Variants in THSD7A observed in about 807,000 individuals in gnomAD.
The protein encoded by THSD7A is thrombospondin type 1 domain containing 7A, also known as thrombospondin type-1 domain-containing protein 7A.
Under a neutral mutation model 231.3 loss-of-function variants are expected in THSD7A, and 96 were observed. The ratio of observed to expected loss-of-function variants is 0.41; its 90% CI spans 0.35 to 0.49. THSD7A has a LOEUF of 0.49. Among genes scored for constraint, THSD7A ranks in the 20% least tolerant of loss-of-function variants. The probability of loss-of-function intolerance (pLI) is 0.05; values close to 1 mark genes in which losing one functional copy is unlikely to be tolerated. For missense variants in THSD7A, 2,290 were observed against 2,070.2 expected, an observed-to-expected ratio of 1.11 and a Z score of -2.06; for synonymous variants, 940 against 743.3, an observed-to-expected ratio of 1.26 and a Z score of -4.30.
chr7:11,761,170 T>C (rs931856182), intron 1 of THSD7A, among the ~76,000 whole-genome samples: 14 of 151,912 alleles, frequency 9.2e-5, no homozygotes, highest in African/African-American at 2.2e-4. Context: ...TAGATCTTTA[T>C]ATTCAATTTT....
intron 23 of THSD7A, among the ~76,000 whole-genome samples, chr7:11,394,222 T>TAAAG (rs1468933647): frequency 6.6e-6 from 1 of 151,900 alleles, no homozygotes; most frequent in Admixed American, 6.6e-5. Context: ...TCAACATTCT[T>TAAAG]AAAGAATTTT....
At chr7:11,799,063 C>T (rs1784207190) in intron 1 of THSD7A, among the ~76,000 whole-genome samples, 1 of 152,036 alleles carries the variant, frequency 6.6e-6, no homozygotes, top group Non-Finnish European at 1.5e-5. Flanking sequence ...GCTGGGACTA[C>T]AGGCTCACAC....
chr7:11,533,538 TA>T (rs1788791468), intron 6 of THSD7A, among the ~76,000 whole-genome samples: 1 of 152,136 alleles, frequency 6.6e-6, no homozygotes, highest in South Asian at 2.1e-4. Flanking sequence ...GTGGGACACA[TA>T]CACCATGGGA....
At chr7:11,621,077 G>A (rs763353674) in intron 2 of THSD7A, among the ~76,000 whole-genome samples, 2 of 152,158 alleles carry the variant, frequency 1.3e-5, no homozygotes, top group African/African-American at 2.4e-5. Flanking sequence ...ATTAGGCAAT[G>A]TTTTCTTTTC....
At chr7:11,568,398 G>A (rs1011734205) in intron 4 of THSD7A, among the ~76,000 whole-genome samples, 7 of 151,994 alleles carry the variant, frequency 4.6e-5, no homozygotes, top group African/African-American at 9.7e-5. Context: ...GGCCGAGGCA[G>A]GCGGATCACG....
At chr7:11,640,018 C>A (rs1033015172) in intron 1 of THSD7A, among the ~76,000 whole-genome samples, 1 of 152,180 alleles carries the variant, frequency 6.6e-6, no homozygotes, top group Non-Finnish European at 1.5e-5. Context: ...AATGATTCAT[C>A]ATTTACTGAC....
At chr7:11,464,469 G>T (rs1785623307) in intron 9 of THSD7A, among the ~76,000 whole-genome samples, 1 of 152,100 alleles carries the variant, frequency 6.6e-6, no homozygotes, top group Admixed American at 6.6e-5. Flanking sequence ...CATAGCCAGG[G>T]CTGTTCTACT....
intron 16 of THSD7A, among the ~76,000 whole-genome samples, chr7:11,421,834 A>T (rs1476420583): frequency 1.3e-5 from 2 of 152,218 alleles, no homozygotes; most frequent in Admixed American, 1.3e-4. Context: ...TAAATGTGCC[A>T]CAATTGTTAA....
intron 1 of THSD7A, among the ~76,000 whole-genome samples, chr7:11,734,415 CT>C (rs1781838094): frequency 6.6e-6 from 1 of 151,900 alleles, no homozygotes; most frequent in East Asian, 1.9e-4. Context: ...AATTTAAAGG[CT>C]TTTCATCCTC....
intron 6 of THSD7A, among the ~76,000 whole-genome samples, chr7:11,540,673 A>G (rs1789107915): frequency 2.0e-5 from 3 of 152,198 alleles, no homozygotes; most frequent in Admixed American, 1.3e-4. Flanking sequence ...TGACTCAGGG[A>G]TGACTTAGAG....
In THSD7A at chr7:11,535,406, T is replaced by C. The variant is rs140976355; in HGVS notation, c.1822+6013A>G. ...TAGTCCAAAATAAAATGGTGATTAC[T>C]ACACACCAACACTGAAGGAAAACAT... is the stretch of plus-strand genomic sequence containing the variant. On this transcript the variant is annotated intron_variant, in intron 6 of 27. Coordinates refer to ENST00000423059, the MANE Select transcript of THSD7A (RefSeq NM_015204.3). 2.6e-5 allele frequency among the ~76,000 whole-genome samples: 4 copies of C among 152,214 alleles called. No homozygotes were observed. The East Asian group carries it at 7.7e-4, about 29-fold the overall frequency.
At chr7:11,782,799 G>C (rs547461895) in intron 1 of THSD7A, among the ~76,000 whole-genome samples, 1 of 152,108 alleles carries the variant, frequency 6.6e-6, no homozygotes, top group South Asian at 2.1e-4. Flanking sequence ...TTTAGCATTA[G>C]GGACTTTGCA....
At chr7:11,768,325 G>T (rs144653323) in intron 1 of THSD7A, among the ~76,000 whole-genome samples, 1 of 152,136 alleles carries the variant, frequency 6.6e-6, no homozygotes, top group African/African-American at 2.4e-5. Context: ...CACCTAATAA[G>T]TTCTCCGTGT....
At chr7:11,507,595 A>ATG (rs144654684) in intron 6 of THSD7A, among the ~76,000 whole-genome samples, 43,272 of 135,036 alleles carry the variant, frequency 0.32, 6,442 homozygotes, top group Middle Eastern at 0.44. Flanking sequence ...CCATGAAATA[A>ATG]TGTGTGTTTT....
chr7:11,607,252 G>A (rs1317742439), intron 2 of THSD7A, among the ~76,000 whole-genome samples: 1 of 151,944 alleles, frequency 6.6e-6, no homozygotes, highest in Non-Finnish European at 1.5e-5. Flanking sequence ...TAATGAATGG[G>A]GTAGGAGGAT....
chr7:11,791,992 T>C (rs1783965964), intron 1 of THSD7A, among the ~76,000 whole-genome samples: 1 of 151,940 alleles, frequency 6.6e-6, no homozygotes, highest in Non-Finnish European at 1.5e-5. Context: ...AAAGACACTT[T>C]CAATTCAATA....
chr7:11,649,985 C>T (rs1223426686), intron 1 of THSD7A, among the ~76,000 whole-genome samples: 1 of 151,978 alleles, frequency 6.6e-6, no homozygotes, highest in Non-Finnish European at 1.5e-5. Flanking sequence ...GTTAATTTGG[C>T]CCTGGGGTGA....
intron 4 of THSD7A, among the ~76,000 whole-genome samples, chr7:11,589,884 T>A (rs1229619416): frequency 6.6e-6 from 1 of 152,152 alleles, no homozygotes; most frequent in Non-Finnish European, 1.5e-5. Context: ...ACTTCCTATA[T>A]CTGGTCCTGA....
chr7:11,557,190 G>C (rs1162819501), intron 4 of THSD7A, among the ~76,000 whole-genome samples: 1 of 151,768 alleles, frequency 6.6e-6, no homozygotes, highest in East Asian at 1.9e-4. Context: ...GTTCGGATTA[G>C]GTAATTTTGA....
Sources: allele counts gnomAD v4.1 joint callset (sites outside exome capture counted in the v4.1 genomes callset), GRCh38; gene constraint gnomAD v4.1.1; transcripts MANE v1.5; gene names NCBI Gene and HGNC (gene_info 2026-07-23, HGNC 2026-07-21).